The following PRKCE variants were observed in gnomAD, a reference collection of about 807,000 sequenced individuals.
PRKCE encodes the protein protein kinase C epsilon.
Under a neutral mutation model 85.4 loss-of-function variants are expected in PRKCE, and 16 were observed. The observed-to-expected ratio is 0.19, with a 90% CI of 0.13 to 0.28. The LOEUF (loss-of-function observed/expected upper bound fraction) is 0.28. Among genes scored for constraint, PRKCE ranks in the 10% least tolerant of loss-of-function variants. The probability of loss-of-function intolerance (pLI) is 1.00; values close to 1 mark genes in which losing one functional copy is unlikely to be tolerated. For missense variants in PRKCE, 573 were observed against 975.2 expected (o/e 0.59, Z 5.49); for synonymous variants, 388 against 371.5 (o/e 1.04, Z -0.51).
intron 1 of PRKCE, among the ~76,000 whole-genome samples, chr2:45,694,954 A>G (rs1678021075): frequency 6.6e-6 from 1 of 152,170 alleles, no homozygotes; most frequent in African/African-American, 2.4e-5. Flanking sequence ...TGTTTTGGAA[A>G]GAGACCTGCC....
chr2:45,791,062 T>C (rs1478487473), intron 1 of PRKCE, among the ~76,000 whole-genome samples: 2 of 152,206 alleles, frequency 1.3e-5, no homozygotes, highest in African/African-American at 4.8e-5. Flanking sequence ...GTCTGCAGTC[T>C]ACAGCCAGCT....
At position 45,958,190 on chromosome 2, in the gene PRKCE, CAAAAAAAAAAAAA is replaced by C. The variant is rs60711691; in HGVS notation, c.413-18228_413-18216del. The stretch of plus-strand genomic sequence containing the variant: ...TAATAAACCTAATCTATTAGGCCCG[CAAAAAAAAAAAAA>C]AAAAAAAAAAGAAAAAGAAAATTGG... On this transcript the variant is annotated intron_variant, in intron 2 of 14. Transcript: ENST00000306156. Among the ~76,000 whole-genome samples the C allele has an allele frequency of 3.6e-5, 4 of 110,110 alleles. No homozygotes were observed. In the Admixed American group the frequency reaches 3.8e-4, roughly 11 times the overall value. The allele number at this position is 110,110 out of a possible 152,430, so 72.2% of individuals were successfully genotyped here.
intron 11 of PRKCE, among the ~76,000 whole-genome samples, chr2:46,111,582 G>T (rs191386068): frequency 6.6e-6 from 1 of 152,126 alleles, no homozygotes; most frequent in East Asian, 1.9e-4. Flanking sequence ...GCACAAATGG[G>T]ATCACACAAT....
At chr2:45,910,048 C>T (rs572132283) in intron 2 of PRKCE, among the ~76,000 whole-genome samples, 1 of 152,052 alleles carries the variant, frequency 6.6e-6, no homozygotes, top group African/African-American at 2.4e-5. Flanking sequence ...TCACCGCCCC[C>T]CCCCAGCCAA....
At chr2:46,147,247 A>G (rs377082445) in intron 12 of PRKCE, among the ~76,000 whole-genome samples, 133 of 152,364 alleles carry the variant, frequency 8.7e-4, no homozygotes, top group African/African-American at 3.1e-3. Flanking sequence ...AGAGCTTTCG[A>G]CAGGGAACTG....
intron 10 of PRKCE, among the ~76,000 whole-genome samples, chr2:46,083,101 G>A (rs1053687143): frequency 1.3e-5 from 2 of 152,118 alleles, no homozygotes; most frequent in South Asian, 2.1e-4. Flanking sequence ...ACAGGCATGC[G>A]CCACCATGCC....
intron 11 of PRKCE, among the ~76,000 whole-genome samples, chr2:46,135,746 C>CTTTGTTTTTTTTTT (rs1674916366): frequency 4.8e-5 from 1 of 20,658 alleles, no homozygotes; most frequent in Admixed American, 1.1e-3. Flanking sequence ...ACAAATTATG[C>CTTTGTTTTTTTTTT]TTTTTTTTTT....
intron 2 of PRKCE, among the ~76,000 whole-genome samples, chr2:45,938,930 C>T (rs1477673727): frequency 6.6e-6 from 1 of 152,144 alleles, no homozygotes; most frequent in Non-Finnish European, 1.5e-5. Flanking sequence ...CTAGCACATT[C>T]AGCGCTCTGC....
chr2:46,120,024 C>A (rs1308504783), intron 11 of PRKCE, among the ~76,000 whole-genome samples: 1 of 152,102 alleles, frequency 6.6e-6, no homozygotes, highest in African/African-American at 2.4e-5. Context: ...TCTGTTAAGC[C>A]CTGGGGCTCC....
chr2:46,105,292 A>G (rs114796006), intron 11 of PRKCE, among the ~76,000 whole-genome samples: 2 of 152,228 alleles, frequency 1.3e-5, no homozygotes, highest in African/African-American at 4.8e-5. Flanking sequence ...CTTGAATCAT[A>G]TTAGAGTCTA....
chr2:45,901,591 GA>G (rs1573808507), intron 2 of PRKCE, among the ~76,000 whole-genome samples: 1 of 152,200 alleles, frequency 6.6e-6, no homozygotes, highest in African/African-American at 2.4e-5. Context: ...AAGTTTGAAG[GA>G]TTTTTTTATA....
intron 1 of PRKCE, among the ~76,000 whole-genome samples, chr2:45,791,187 C>T (rs897894399): frequency 1.3e-5 from 2 of 152,242 alleles, no homozygotes; most frequent in African/African-American, 4.8e-5. Context: ...CCCTGCTGAA[C>T]CTCCTCATTC....
At position 46,185,756 on chromosome 2, in the gene PRKCE, G is replaced by A. The variant is rs1398121180; in HGVS notation, c.*875G>A. The A allele has an allele frequency of 6.6e-6, 1 of 152,142 alleles. No individual in the cohort carries two copies. Among genetic ancestry groups the A allele is most frequent in the East Asian group, 1.9e-4 (1 of 5,188 alleles). The allele number at this position is 152,142 out of a possible 1,614,324, so 9.4% of individuals were successfully genotyped here. A position where few individuals can be genotyped will look rare whatever the true frequency, so the allele number is the denominator to read the frequency against. On this transcript the variant is annotated 3_prime_UTR_variant, in exon 15 of 15. Coordinates refer to ENST00000306156, the MANE Select transcript of PRKCE (RefSeq NM_005400.3). This position sits in a 1 kb window ranked among gnomAD's most constrained non-coding sequence, Gnocchi z 4.7. ...GAATTGAGAGAAAAGGCAACAAGTA[G>A]CATTCTTCATCATTCAAGTTCTACC...
chr2:45,940,276 C>CT (rs1699781248), intron 2 of PRKCE, among the ~76,000 whole-genome samples: 1 of 152,100 alleles, frequency 6.6e-6, no homozygotes, highest in Non-Finnish European at 1.5e-5. Flanking sequence ...AAGGAGTGGC[C>CT]TGCAAAGTGG....
At chr2:46,013,118 A>G (rs1161757641) in intron 10 of PRKCE, among the ~76,000 whole-genome samples, 1 of 152,236 alleles carries the variant, frequency 6.6e-6, no homozygotes, top group African/African-American at 2.4e-5. Context: ...ATCATATTTT[A>G]ACCTCATAGA....
At chr2:46,018,187 G>T (rs570137108) in intron 10 of PRKCE, among the ~76,000 whole-genome samples, 1 of 152,340 alleles carries the variant, frequency 6.6e-6, no homozygotes, top group South Asian at 2.1e-4. Flanking sequence ...GGGGGCATGG[G>T]CACAGGAACG....
chr2:46,030,865 A>G (rs995339223), intron 10 of PRKCE, among the ~76,000 whole-genome samples: 3 of 152,150 alleles, frequency 2.0e-5, no homozygotes, highest in African/African-American at 7.2e-5. Flanking sequence ...TCATCCACGG[A>G]ATATTTCTTC....
chr2:46,114,144 C>G (rs750300715), intron 11 of PRKCE, among the ~76,000 whole-genome samples: 2 of 152,084 alleles, frequency 1.3e-5, no homozygotes, highest in Admixed American at 6.5e-5. Flanking sequence ...ACAGAAGAAC[C>G]CTGCGGTTCT....
chr2:45,892,206 C>A (rs1252700992), intron 2 of PRKCE, among the ~76,000 whole-genome samples: 1 of 152,198 alleles, frequency 6.6e-6, no homozygotes, highest in Non-Finnish European at 1.5e-5. Context: ...CTGCTGACCT[C>A]CCCAGAGAGA....
Sources: gnomAD v4.1 joint callset for allele counts (sites outside exome capture counted in the v4.1 genomes callset) on GRCh38, gnomAD v4.1.1 for gene constraint, Gnocchi (gnomAD v3.1) non-coding constraint, MANE v1.5 for transcripts, NCBI Gene and HGNC (gene_info 2026-07-23, HGNC 2026-07-21) for gene names.